ANGPTL5: variants seen among roughly 807,000 people sequenced by gnomAD.
ANGPTL5 encodes the protein angiopoietin-related protein 5.
A neutral mutation model predicts 39.4 loss-of-function variants in ANGPTL5; 34 were observed. That is an observed-to-expected ratio of 0.86 (90% confidence interval 0.66 to 1.15). ANGPTL5 has a LOEUF of 1.15. Among genes scored for constraint, ANGPTL5 ranks in the 50% most tolerant of loss-of-function variants. ANGPTL5 has a pLI of 0.00. For missense variants in ANGPTL5, 467 were observed against 457.5 expected (o/e 1.02, Z -0.19); for synonymous variants, 146 against 152.1 (o/e 0.96, Z 0.29).
chr11:101,905,004 C>G, intron 4 of ANGPTL5, 97 bp from the exon 5 acceptor site: 1 of 855,148 alleles, frequency 1.2e-6, no homozygotes, highest in Non-Finnish European at 1.9e-6. Context: ...GTAATGGTGC[C>G]CATTTTTCTA....
At position 101,906,781 on chromosome 11, in the gene ANGPTL5, T is replaced by C. The variant is rs118082828; in HGVS notation, c.241+322A>G. On this transcript the variant is annotated intron_variant, in intron 3 of 8. Transcript: ENST00000334289. ...TACCTCACTCTGCTTCCTCTCTCTT[T>C]CTTATTTTCAGTCTGTCACTTTCTA... Among the ~76,000 whole-genome samples, 81 of 151,928 alleles carry C rather than the reference T, an allele frequency of 5.3e-4. 2 individuals are homozygous for C. The East Asian group carries it at 0.014, about 26-fold the overall frequency.
chr11:101,911,241 C>A (rs1158191299), intron 1 of ANGPTL5, among the ~76,000 whole-genome samples: 1 of 150,818 alleles, frequency 6.6e-6, no homozygotes, highest in Non-Finnish European at 1.5e-5. Flanking sequence ...CTCCTTCCTC[C>A]GCCTCCCAAG....
chr11:101,900,577 A>C (rs1021688180), intron 6 of ANGPTL5, 27 bp from the exon 7 acceptor site: 13 of 1,600,232 alleles, frequency 8.1e-6, no homozygotes, highest in Middle Eastern at 1.6e-4. Flanking sequence ...GAAGACCAAA[A>C]TAATACACTA....
intron 7 of ANGPTL5, among the ~76,000 whole-genome samples, chr11:101,898,098 C>G (rs2137053860): frequency 6.6e-6 from 1 of 152,198 alleles, no homozygotes; most frequent in East Asian, 1.9e-4. Flanking sequence ...AGGCAGGCAC[C>G]TGTAATCCCA....
At chr11:101,906,301 A>C (rs1283957967) in intron 3 of ANGPTL5, among the ~76,000 whole-genome samples, 1 of 152,144 alleles carries the variant, frequency 6.6e-6, no homozygotes, top group Non-Finnish European at 1.5e-5. Flanking sequence ...TACACAATTA[A>C]ATTGCTAGCA....
At chr11:101,913,317 A>G (rs1349557385) in intron 1 of ANGPTL5, among the ~76,000 whole-genome samples, 1 of 151,406 alleles carries the variant, frequency 6.6e-6, no homozygotes, top group Admixed American at 6.6e-5. Flanking sequence ...CATGGGTCAT[A>G]TGTTACTGTT....
chr11:101,896,127 A>G (rs2137051758), intron 7 of ANGPTL5, among the ~76,000 whole-genome samples: 1 of 151,818 alleles, frequency 6.6e-6, no homozygotes, highest in Non-Finnish European at 1.5e-5. Context: ...CTCAAATTTA[A>G]GACTTAAAAA....
chr11:101,895,115 T>C (rs1279955208), intron 7 of ANGPTL5, 51 bp from the exon 8 acceptor site: 1 of 1,332,316 alleles, frequency 7.5e-7, no homozygotes, highest in South Asian at 1.4e-5. Context: ...ATTAGAATAA[T>C]GGTTTATTAT....
chr11:101,910,832 G>A (rs1246299877), intron 1 of ANGPTL5, among the ~76,000 whole-genome samples: 1 of 152,040 alleles, frequency 6.6e-6, no homozygotes, highest in Non-Finnish European at 1.5e-5. Context: ...CCTTAAAACT[G>A]TCCTTATTGT....
chr11:101,891,300 C>T lies in ANGPTL5; in HGVS notation c.1146G>A (p.Met382Ile). ...GAGATTATTTAAAATATGGATTGTA[C>T]ATTCTTCTAATTTTCATTGAAACAG... ...IKSVSMKIRRMYNPYFK is the reference protein window; with the variant it reads ...IKSVSMKIRRIYNPYFK The change falls in exon 9 of 9, where the codon ATG becomes ATA. Residue 382 changes from methionine (M) to isoleucine (I), a missense_variant. Met to Ile is a conservative substitution (Grantham distance 10). Transcript: ENST00000334289. 6.2e-7 allele frequency: 1 copy of T among 1,611,676 alleles called. No homozygotes were observed. Among genetic ancestry groups the T allele is most frequent in the Non-Finnish European group, 8.5e-7 (1 of 1,177,910 alleles).
At chr11:101,915,298 G>C (rs1044020803) in intron 1 of ANGPTL5, 2 of 1,613,666 alleles carry the variant, frequency 1.2e-6, no homozygotes, top group South Asian at 2.2e-5. Flanking sequence ...CTGGCGGGGA[G>C]GCCCGGAACC....
chr11:101,896,509 C>A (rs534955260), intron 7 of ANGPTL5, among the ~76,000 whole-genome samples: 41 of 152,176 alleles, frequency 2.7e-4, no homozygotes, highest in African/African-American at 9.9e-4. Context: ...CCTCCTCTAG[C>A]CCCCACCCCC....
At chr11:101,915,586 A>C (rs1226985151) in intron 1 of ANGPTL5, among the ~76,000 whole-genome samples, 1 of 152,120 alleles carries the variant, frequency 6.6e-6, no homozygotes, top group East Asian at 1.9e-4. Flanking sequence ...AAATTATACC[A>C]TTTTATCTAA....
In ANGPTL5 at chr11:101,907,867, A is replaced by T. The variant is rs1324147972; in HGVS notation, c.43T>A (p.Cys15Ser). The T allele has an allele frequency of 6.2e-7, 1 of 1,611,082 alleles. No individual in the cohort carries two copies. The highest frequency in any genetic ancestry group is 1.1e-5 in the South Asian group (1 of 91,016). ...SQASLLFLNVCIFICGEAVQG... is the reference protein window; with the variant it reads ...SQASLLFLNVSIFICGEAVQG... ...ACAGCTTCTCCACAAATAAAAATAC[A>T]TACATTTAAGAATAAGAGTGAGGCT... The change falls in exon 2 of 9, where the codon TGT becomes AGT. Residue 15 changes from cysteine (C) to serine (S), a missense_variant. Transcript: ENST00000334289.
rs758791765 is a variant in ANGPTL5, at chr11:101,907,831, A to G, written c.79T>C (p.Cys27Arg). The change falls in exon 2 of 9, where the codon TGT (cysteine) becomes CGT (arginine). Residue 27 changes from cysteine (C) to arginine (R), a missense_variant. By Grantham distance (180) the Cys-to-Arg change is radical. Coordinates refer to ENST00000334289, the MANE Select transcript of ANGPTL5 (RefSeq NM_178127.5). ...ATTCTTACCGTAGAATGATGTACACAGTTACCTTGTACAGCTTCTCCACAA... is the reference window on the plus strand; with the variant it reads ...ATTCTTACCGTAGAATGATGTACACGGTTACCTTGTACAGCTTCTCCACAA... ...FICGEAVQGN[C>R]VHHSTDSSVV... 1 of 1,602,520 alleles carries G rather than the reference A, an allele frequency of 6.2e-7. No homozygotes were observed. Among genetic ancestry groups the G allele is most frequent in the Non-Finnish European group, 8.5e-7 (1 of 1,169,662 alleles).
At chr11:101,903,785 G>A (rs147823714) in intron 5 of ANGPTL5, among the ~76,000 whole-genome samples, 73 of 152,222 alleles carry the variant, frequency 4.8e-4, no homozygotes, top group African/African-American at 1.5e-3. Flanking sequence ...AAATTAATGT[G>A]AACAGATTAT....
chr11:101,896,123 T>C (rs1443391778), intron 7 of ANGPTL5, among the ~76,000 whole-genome samples: 1 of 151,872 alleles, frequency 6.6e-6, no homozygotes, highest in Non-Finnish European at 1.5e-5. Flanking sequence ...CACCCTCAAA[T>C]TTAAGACTTA....
At chr11:101,897,938 C>G (rs936905265) in intron 7 of ANGPTL5, among the ~76,000 whole-genome samples, 2 of 152,224 alleles carry the variant, frequency 1.3e-5, no homozygotes, top group Admixed American at 1.3e-4. Context: ...CTATAAATTA[C>G]TCTGGGCAGG....
intron 4 of ANGPTL5, among the ~76,000 whole-genome samples, chr11:101,905,359 C>G (rs1308526917): frequency 1.3e-5 from 2 of 152,282 alleles, no homozygotes; most frequent in East Asian, 3.9e-4. Flanking sequence ...CACCCTGTAC[C>G]AACACCAAGA....
Sources: allele counts gnomAD v4.1 joint callset (sites outside exome capture counted in the v4.1 genomes callset), GRCh38; gene constraint gnomAD v4.1.1; transcripts MANE v1.5; gene names NCBI Gene and HGNC (gene_info 2026-07-23, HGNC 2026-07-21).